The following GLI2 variants were observed in gnomAD, a reference collection of about 807,000 sequenced individuals.
The protein encoded by GLI2 is transcription activator GLI2.
GLI2 carries 22 observed loss-of-function variants against 78.9 expected under a neutral mutation model. The ratio of observed to expected loss-of-function variants is 0.28; its 90% confidence interval spans 0.20 to 0.40. The LOEUF (loss-of-function observed/expected upper bound fraction) is 0.40. Among genes scored for constraint, GLI2 ranks in the 10% least tolerant of loss-of-function variants. The pLI, the probability that GLI2 is intolerant of heterozygous loss-of-function variation, is 1.00. For synonymous variants in GLI2, 974 were observed against 963.7 expected (o/e 1.01, Z -0.20); for missense variants, 2,097 against 2,213.2 (o/e 0.95, Z 1.05).
At position 120,986,587 on chromosome 2, in the gene GLI2, A is replaced by G; in HGVS notation, c.2215A>G (p.Thr739Ala). 6.2e-7 allele frequency: 1 copy of G among 1,614,062 alleles called. No individual in the cohort carries two copies. The highest frequency in any genetic ancestry group is 1.1e-5 in the South Asian group (1 of 91,078). ...CGGGCCGACTCCACACACGCGGAAC[A>G]CCAAGCTGCCTCCCCTCCCGGGAAG... is the stretch of plus-strand genomic sequence containing the variant. ...WAGPTPHTRN[T>A]KLPPLPGSGS... The change falls in exon 13 of 14, where the codon ACC becomes GCC. Residue 739 changes from threonine (T) to alanine (A), a missense_variant. By Grantham distance (58) the Thr-to-Ala change is moderately conservative. Coordinates refer to ENST00000361492, the MANE Select transcript of GLI2 (RefSeq NM_001374353.1).
intron 3 of GLI2, among the ~76,000 whole-genome samples, chr2:120,935,070 T>C (rs550605111): frequency 6.6e-6 from 1 of 152,276 alleles, no homozygotes; most frequent in Non-Finnish European, 1.5e-5. Context: ...TCATAGAGGA[T>C]TGGCTTTGTT....
intron 2 of GLI2, among the ~76,000 whole-genome samples, chr2:120,906,759 G>A (rs1678554873): frequency 6.6e-6 from 1 of 152,102 alleles, no homozygotes; most frequent in African/African-American, 2.4e-5. Context: ...TCTCATAGTT[G>A]AGGCCACCAG....
At chr2:120,912,712 G>A (rs1482669096) in intron 2 of GLI2, among the ~76,000 whole-genome samples, 1 of 152,180 alleles carries the variant, frequency 6.6e-6, no homozygotes, top group Non-Finnish European at 1.5e-5. Context: ...ACCCCGGCAT[G>A]GGCTTTGCTT....
intron 2 of GLI2, among the ~76,000 whole-genome samples, chr2:120,816,762 A>G (rs1685514966): frequency 6.6e-6 from 1 of 152,156 alleles, no homozygotes; most frequent in Admixed American, 6.5e-5. Flanking sequence ...CTGTTGCACT[A>G]TGTTGTTTTG....
At chr2:120,948,289 G>T (rs1373845139) in intron 3 of GLI2, among the ~76,000 whole-genome samples, 1 of 152,174 alleles carries the variant, frequency 6.6e-6, no homozygotes, top group Non-Finnish European at 1.5e-5. Flanking sequence ...TTACTTCATG[G>T]GGGCTGCCAT....
At chr2:120,865,307 C>T (rs1049188011) in intron 2 of GLI2, among the ~76,000 whole-genome samples, 1 of 152,200 alleles carries the variant, frequency 6.6e-6, no homozygotes, top group African/African-American at 2.4e-5. Context: ...TGCCCTGCCC[C>T]CCATGTAACA....
intron 3 of GLI2, among the ~76,000 whole-genome samples, chr2:120,949,576 G>C (rs1475404009): frequency 6.6e-6 from 1 of 152,246 alleles, no homozygotes; most frequent in Non-Finnish European, 1.5e-5. Context: ...GCTTCAGGGA[G>C]GGTGCCACCT....
chr2:120,744,616 A>G (rs1682644948), intron 1 of GLI2, among the ~76,000 whole-genome samples: 1 of 152,234 alleles, frequency 6.6e-6, no homozygotes, highest in Non-Finnish European at 1.5e-5. Context: ...TGCGACATGT[A>G]TATTTATGCT....
intron 2 of GLI2, among the ~76,000 whole-genome samples, chr2:120,811,087 TGTGCAAAGTGGG>T (rs1685217408): frequency 2.6e-5 from 4 of 152,248 alleles, no homozygotes; most frequent in Admixed American, 2.6e-4. Context: ...CATGCATACC[TGTGCAAAGTGGG>T]GTGGGTCAGC....
chr2:120,980,967 G>A (rs1243894006), intron 10 of GLI2, among the ~76,000 whole-genome samples: 2 of 151,642 alleles, frequency 1.3e-5, no homozygotes, highest in Admixed American at 6.6e-5. Flanking sequence ...TGCAACATCC[G>A]CATCCCAGGT....
At chr2:120,952,589 C>G (rs1265903797) in intron 4 of GLI2, among the ~76,000 whole-genome samples, 2 of 152,216 alleles carry the variant, frequency 1.3e-5, no homozygotes. Flanking sequence ...GCCTGGTCCT[C>G]ACAAAAGAGA....
intron 2 of GLI2, among the ~76,000 whole-genome samples, chr2:120,837,945 C>G (rs1238399026): frequency 6.6e-6 from 1 of 152,306 alleles, no homozygotes; most frequent in Non-Finnish European, 1.5e-5. Flanking sequence ...GTTCCTCTTT[C>G]AAATGGTCTT....
At chr2:120,924,088 T>G (rs1424614468) in intron 2 of GLI2, among the ~76,000 whole-genome samples, 1 of 152,134 alleles carries the variant, frequency 6.6e-6, no homozygotes, top group Non-Finnish European at 1.5e-5. Flanking sequence ...AGACCCCCCC[T>G]CAGCCTCTGG....
At chr2:120,775,579 G>A (rs953681965) in intron 1 of GLI2, among the ~76,000 whole-genome samples, 1 of 152,194 alleles carries the variant, frequency 6.6e-6, no homozygotes, top group Admixed American at 6.5e-5. Context: ...GCAGAGCGCC[G>A]AAGGGTTCTC....
intron 6 of GLI2, 76 bp downstream of exon 6, chr2:120,968,991 A>C: frequency 8.8e-7 from 1 of 1,131,068 alleles, no homozygotes; most frequent in Non-Finnish European, 1.3e-6. Flanking sequence ...CTGGCTTTTC[A>C]GTGGGCGCTT....
Position 120,968,697 on chromosome 2 carries a change from T to C in GLI2, c.644-17T>C, listed in dbSNP as rs1267571182. 1.9e-6 allele frequency: 3 copies of C among 1,594,222 alleles called. No individual in the cohort carries two copies. In the Admixed American group the frequency reaches 5.0e-5, roughly 27 times the overall value. The stretch of plus-strand genomic sequence containing the variant: ...TCCCCAGTGATGCTGACCTGTCTTG[T>C]GTTGACTATCCCACAGTGTCCCGTT... On this transcript the variant is annotated splice_polypyrimidine_tract_variant and intron_variant, in intron 5 of 13. Coordinates refer to ENST00000361492, the MANE Select transcript of GLI2 (RefSeq NM_001374353.1).
chr2:120,820,938 AG>A, intron 2 of GLI2, among the ~76,000 whole-genome samples: 1 of 152,246 alleles, frequency 6.6e-6, no homozygotes. Flanking sequence ...GTCTGTGACC[AG>A]GAGGCGTTTC....
intron 3 of GLI2, among the ~76,000 whole-genome samples, chr2:120,946,068 C>T (rs546962871): frequency 7.2e-5 from 11 of 152,146 alleles, no homozygotes; most frequent in Non-Finnish European, 1.5e-4. Context: ...TCCTATTCAT[C>T]CCTCAAGACC....
intron 3 of GLI2, among the ~76,000 whole-genome samples, chr2:120,932,815 G>A (rs1449360977): frequency 6.6e-6 from 1 of 152,194 alleles, no homozygotes; most frequent in Admixed American, 6.5e-5. Flanking sequence ...GAGACTGGGT[G>A]GCAGAGGCCG....
Sources: gnomAD v4.1 joint callset for allele counts (sites outside exome capture counted in the v4.1 genomes callset) on GRCh38, gnomAD v4.1.1 for gene constraint, MANE v1.5 for transcripts, NCBI Gene and HGNC (gene_info 2026-07-23, HGNC 2026-07-21) for gene names.